CSMD1: variants seen among roughly 807,000 people sequenced by gnomAD.
The protein encoded by CSMD1 is CUB and Sushi multiple domains 1.
In CSMD1, 213 loss-of-function variants were observed where a neutral mutation model predicts 417.5. The observed-to-expected ratio is 0.51, with a 90% CI of 0.46 to 0.57. The LOEUF (loss-of-function observed/expected upper bound fraction) is 0.57. CSMD1 is among the 20% of genes least tolerant of loss of function. The pLI is 0.00. For synonymous variants in CSMD1, 2,862 were observed against 1,736.8 expected (o/e 1.65, Z -16.11); for missense variants, 6,923 against 4,529.7 (o/e 1.53, Z -15.17).
At chr8:3,383,043 G>C (rs1020601941) in intron 18 of CSMD1, among the ~76,000 whole-genome samples, 5 of 152,156 alleles carry the variant, frequency 3.3e-5, no homozygotes, top group Non-Finnish European at 7.4e-5. Flanking sequence ...TGATGCCAGC[G>C]CATGTAGATA....
intron 12 of CSMD1, among the ~76,000 whole-genome samples, chr8:3,455,532 T>G (rs1220858656): frequency 6.6e-6 from 1 of 152,238 alleles, no homozygotes; most frequent in African/African-American, 2.4e-5. Flanking sequence ...CTTCTAACAG[T>G]CAGGACCCTC....
At chr8:4,099,685 C>A (rs933898251) in intron 3 of CSMD1, among the ~76,000 whole-genome samples, 3 of 151,856 alleles carry the variant, frequency 2.0e-5, no homozygotes, top group African/African-American at 7.3e-5. Flanking sequence ...TACAAACAAA[C>A]AAACAAAACC....
rs10707445 is a variant in CSMD1 at position 3,360,854 on chromosome 8, C to CT, written c.3116-1515dup. 7.8e-3 allele frequency among the ~76,000 whole-genome samples: 1,126 copies of CT among 143,652 alleles called. 10 individuals are homozygous for CT. The highest frequency in any genetic ancestry group is 0.022 in the African/African-American group (866 of 39,028). The allele number at this position is 143,652 out of a possible 152,430, so 94.2% of individuals were successfully genotyped here. A position where few individuals can be genotyped will look rare whatever the true frequency, so the allele number is the denominator to read the frequency against. ...TTAGTATTCCTCAAATCTGATCCTT[C>CT]TTTTTTTTTTTTTTAGTTTAGTTTT... On this transcript the variant is annotated intron_variant, in intron 20 of 69. Coordinates refer to ENST00000635120, the MANE Select transcript of CSMD1 (RefSeq NM_033225.6).
intron 5 of CSMD1, among the ~76,000 whole-genome samples, chr8:3,938,128 G>A (rs1165521515): frequency 6.6e-6 from 1 of 152,084 alleles, no homozygotes; most frequent in Non-Finnish European, 1.5e-5. Flanking sequence ...AATGTTAGAT[G>A]TAAATAAATA....
intron 12 of CSMD1, among the ~76,000 whole-genome samples, chr8:3,466,938 A>T (rs1816822283): frequency 1.3e-5 from 2 of 152,048 alleles, no homozygotes; most frequent in Non-Finnish European, 2.9e-5. Context: ...TGTATTGGTT[A>T]ATGGTTTTAA....
rs1339389309 is a variant in CSMD1, at chr8:3,110,174, C to T, written c.6592G>A (p.Asp2198Asn). 5 of 1,607,622 alleles carry T rather than the reference C, an allele frequency of 3.1e-6. No individual in the cohort carries two copies. Among genetic ancestry groups the T allele is most frequent in the Non-Finnish European group, 3.4e-6 (4 of 1,177,316 alleles). The change falls in exon 43 of 70, where the codon GAT becomes AAT. Residue 2198 changes from aspartate to asparagine, a missense_variant. Coordinates refer to ENST00000635120, the MANE Select transcript of CSMD1 (RefSeq NM_033225.6). ...TTCTCATACCAAACAGCAATGTAAT[C>T]GTTGACAGCTTCCGTCTGTAACAGG... Reference protein sequence around the residue: ...FTLLQTEAVNDYIAVWDGPDQ... With the variant: ...FTLLQTEAVNNYIAVWDGPDQ...
intron 3 of CSMD1, among the ~76,000 whole-genome samples, chr8:4,288,219 C>G (rs774377743): frequency 2.6e-5 from 4 of 152,106 alleles, no homozygotes; most frequent in Non-Finnish European, 2.9e-5. Flanking sequence ...TTCGTCCACT[C>G]AGGGCCTGGC....
At chr8:4,789,695 T>C (rs537234125) in intron 1 of CSMD1, among the ~76,000 whole-genome samples, 42 of 152,310 alleles carry the variant, frequency 2.8e-4, no homozygotes, top group African/African-American at 8.9e-4. Context: ...ATGTACTTAT[T>C]TATGATCCTG....
Position 4,466,488 on chromosome 8 carries a change from G to T in CSMD1, c.303-46423C>A, listed in dbSNP as rs184270303. 3.9e-5 allele frequency among the ~76,000 whole-genome samples: 6 copies of T among 152,106 alleles called. No homozygotes were observed. In the East Asian group the frequency reaches 1.2e-3, roughly 29 times the overall value. Reference sequence around the variant, plus strand: ...GGCAAGGAAATTTAGCCTATATATTGAACAAATGTTGAAGTTTATTGTTTA... The same window carrying T: ...GGCAAGGAAATTTAGCCTATATATTTAACAAATGTTGAAGTTTATTGTTTA... On this transcript the variant is annotated intron_variant, in intron 2 of 69. Transcript: ENST00000635120.
At chr8:4,311,187 G>C (rs762848667) in intron 3 of CSMD1, among the ~76,000 whole-genome samples, 6 of 152,242 alleles carry the variant, frequency 3.9e-5, no homozygotes, top group East Asian at 3.9e-4. Flanking sequence ...CCACCATAAA[G>C]ACACATGCAC....
intron 3 of CSMD1, among the ~76,000 whole-genome samples, chr8:4,297,739 C>T (rs1415975347): frequency 6.6e-6 from 1 of 152,080 alleles, no homozygotes; most frequent in Non-Finnish European, 1.5e-5. Context: ...CATTCAATGG[C>T]ACCACTAACG....
intron 3 of CSMD1, among the ~76,000 whole-genome samples, chr8:4,368,654 G>T (rs1159317123): frequency 3.9e-5 from 6 of 152,054 alleles, no homozygotes; most frequent in Middle Eastern, 3.4e-3. Flanking sequence ...GGAACTTATT[G>T]GTCTGTTCAG....
At chr8:3,959,555 A>G (rs947738252) in intron 5 of CSMD1, among the ~76,000 whole-genome samples, 5 of 152,348 alleles carry the variant, frequency 3.3e-5, no homozygotes, top group Non-Finnish European at 5.9e-5. Context: ...AGAGACAAAG[A>G]GTTCCCATAG....
At chr8:4,349,095 A>T (rs973394314) in intron 3 of CSMD1, among the ~76,000 whole-genome samples, 6 of 152,222 alleles carry the variant, frequency 3.9e-5, no homozygotes, top group Non-Finnish European at 7.3e-5. Context: ...AAATTACAAA[A>T]TGAGCTGAAG....
intron 1 of CSMD1, among the ~76,000 whole-genome samples, chr8:4,905,287 T>C (rs950878557): frequency 1.3e-5 from 2 of 152,100 alleles, no homozygotes; most frequent in Admixed American, 6.5e-5. Flanking sequence ...AAGTTTAGGG[T>C]GCCCAGAGTC....
chr8:3,149,387 A>G (rs1819053013), intron 40 of CSMD1, among the ~76,000 whole-genome samples: 1 of 152,210 alleles, frequency 6.6e-6, no homozygotes, highest in Non-Finnish European at 1.5e-5. Context: ...CAACTGGGTG[A>G]CTTTCCTATT....
intron 1 of CSMD1, among the ~76,000 whole-genome samples, chr8:4,718,457 A>G (rs946216447): frequency 4.6e-5 from 7 of 152,196 alleles, no homozygotes; most frequent in Non-Finnish European, 1.0e-4. Context: ...AATCTTAGAA[A>G]CATCACTCCT....
At chr8:4,017,371 T>C (rs2554598) in intron 4 of CSMD1, among the ~76,000 whole-genome samples, 30,947 of 152,112 alleles carry the variant, frequency 0.2, 3,982 homozygotes, top group Non-Finnish European at 0.27. Flanking sequence ...AATGGTGCGA[T>C]CTTGGCTCAC....
intron 7 of CSMD1, among the ~76,000 whole-genome samples, chr8:3,697,415 G>C (rs563147068): frequency 6.6e-6 from 1 of 152,112 alleles, no homozygotes; most frequent in Non-Finnish European, 1.5e-5. Flanking sequence ...TTAACTCTTG[G>C]TCTCTTCGTT....
Sources: allele counts gnomAD v4.1 joint callset (sites outside exome capture counted in the v4.1 genomes callset), GRCh38; gene constraint gnomAD v4.1.1; transcripts MANE v1.5; gene names NCBI Gene and HGNC (gene_info 2026-07-23, HGNC 2026-07-21).